LOC128462377: variants seen among roughly 807,000 people sequenced by gnomAD.
the LOC128462377 span, among the ~76,000 whole-genome samples, chr16:89,395,264 G>A: frequency 1.3e-5 from 2 of 152,224 alleles, no homozygotes; most frequent in African/African-American, 2.4e-5. Flanking sequence ...CCAGGGAAGG[G>A]CTGCGTACTG....
chr16:89,346,241 C>T, the LOC128462377 span, among the ~76,000 whole-genome samples: 1 of 141,918 alleles, frequency 7.0e-6, no homozygotes, highest in Non-Finnish European at 1.5e-5. Context: ...GAGGGAGACC[C>T]CGTCTCAGGA....
chr16:89,369,456 C>T, the LOC128462377 span, among the ~76,000 whole-genome samples: 1 of 152,176 alleles, frequency 6.6e-6, no homozygotes, highest in African/African-American at 2.4e-5. Context: ...CAAGCTCTGC[C>T]GCAGCATGGG....
At chr16:89,352,695 C>G in the LOC128462377 span, among the ~76,000 whole-genome samples, 1 of 152,218 alleles carries the variant, frequency 6.6e-6, no homozygotes, top group Non-Finnish European at 1.5e-5. Context: ...CCACCCAATT[C>G]ACCAGTTTAT....
chr16:89,352,568 C>T, the LOC128462377 span, among the ~76,000 whole-genome samples: 1 of 152,184 alleles, frequency 6.6e-6, no homozygotes, highest in Non-Finnish European at 1.5e-5. Flanking sequence ...CTGTCAGGGC[C>T]ACTTCCTCTC....
the LOC128462377 span, among the ~76,000 whole-genome samples, chr16:89,376,164 G>A: frequency 9.9e-5 from 15 of 152,152 alleles, no homozygotes; most frequent in Non-Finnish European, 1.9e-4. Context: ...AAAATGTGTG[G>A]GTGCAGGATT....
chr16:89,323,545 A>G, the LOC128462377 span, among the ~76,000 whole-genome samples: 1 of 87,496 alleles, frequency 1.1e-5, no homozygotes, highest in African/African-American at 5.3e-5. Flanking sequence ...GGCTGAGCCG[A>G]GGGCAGGGGG....
chr16:89,333,000 A>AC, the LOC128462377 span, among the ~76,000 whole-genome samples: 1 of 152,160 alleles, frequency 6.6e-6, no homozygotes, highest in Non-Finnish European at 1.5e-5. Context: ...CATCCTGTGC[A>AC]CCCGGGGAAT....
the LOC128462377 span, among the ~76,000 whole-genome samples, chr16:89,335,625 C>A: frequency 6.6e-6 from 1 of 152,200 alleles, no homozygotes; most frequent in East Asian, 1.9e-4. Context: ...AGCCCCGTCA[C>A]ACACACAAGC....
the LOC128462377 span, among the ~76,000 whole-genome samples, chr16:89,352,546 A>G: frequency 6.6e-6 from 1 of 152,206 alleles, no homozygotes; most frequent in Admixed American, 6.5e-5. Flanking sequence ...CCTGCCCCCA[A>G]GAGTGAGGCC....
the LOC128462377 span, chr16:89,324,483 T>A: frequency 7.0e-5 from 32 of 456,482 alleles, no homozygotes; most frequent in Non-Finnish European, 1.4e-4. Flanking sequence ...CTAAAGGATG[T>A]GTAACTGTTC....
the LOC128462377 span, among the ~76,000 whole-genome samples, chr16:89,384,476 T>C: frequency 6.7e-6 from 1 of 150,222 alleles, no homozygotes; most frequent in African/African-American, 2.5e-5. Context: ...CAGGACAAGA[T>C]GGGAATGGGA....
the LOC128462377 span, among the ~76,000 whole-genome samples, chr16:89,406,239 C>A: frequency 2.0e-5 from 3 of 152,108 alleles, no homozygotes; most frequent in African/African-American, 7.2e-5. Context: ...AAGGGGCTCT[C>A]TGAGAGTCGG....
chr16:89,332,540 C>T, the LOC128462377 span, among the ~76,000 whole-genome samples: 2 of 152,240 alleles, frequency 1.3e-5, no homozygotes, highest in Admixed American at 6.5e-5. Context: ...CACCAACTTC[C>T]TCTATAAAAT....
At chr16:89,398,222 C>T in the LOC128462377 span, among the ~76,000 whole-genome samples, 1 of 151,796 alleles carries the variant, frequency 6.6e-6, no homozygotes, top group Non-Finnish European at 1.5e-5. Flanking sequence ...TACCTGTGAC[C>T]TCAGCACTCT....
the LOC128462377 span, among the ~76,000 whole-genome samples, chr16:89,388,293 A>ATTTTTTTTC: frequency 3.5e-5 from 3 of 85,266 alleles, no homozygotes; most frequent in Admixed American, 3.2e-4. Flanking sequence ...CATGAGGCTG[A>ATTTTTTTTC]TTTTTTTTTT....
At chr16:89,341,412 C>A in the LOC128462377 span, among the ~76,000 whole-genome samples, 1 of 152,212 alleles carries the variant, frequency 6.6e-6, no homozygotes, top group Non-Finnish European at 1.5e-5. Flanking sequence ...AAGGCCCCAA[C>A]GTGAACAGAC....
the LOC128462377 span, among the ~76,000 whole-genome samples, chr16:89,384,744 G>A: frequency 9.2e-5 from 14 of 152,068 alleles, no homozygotes; most frequent in Non-Finnish European, 1.9e-4. Flanking sequence ...TGGTCTTACT[G>A]TATTTTTGGC....
the LOC128462377 span, among the ~76,000 whole-genome samples, chr16:89,364,036 G>A: frequency 9.2e-5 from 14 of 151,740 alleles, no homozygotes; most frequent in Non-Finnish European, 2.1e-4. Flanking sequence ...CTGCATTCCT[G>A]CCCAGCCGAC....
the LOC128462377 span, among the ~76,000 whole-genome samples, chr16:89,330,496 C>G: frequency 1.6e-4 from 25 of 152,084 alleles, no homozygotes; most frequent in Admixed American, 5.2e-4. Flanking sequence ...GTCCGTGGGG[C>G]TACGTGAGGG....
Sources: gnomAD v4.1 joint callset for allele counts (sites outside exome capture counted in the v4.1 genomes callset) on GRCh38, gnomAD v4.1.1 for gene constraint, MANE v1.5 for transcripts.